SLC14A2: variants seen among roughly 807,000 people sequenced by gnomAD.
The protein encoded by SLC14A2 is solute carrier family 14 member 2, also known as urea transporter 2.
A neutral mutation model predicts 104.6 loss-of-function variants in SLC14A2; 91 were observed. The observed-to-expected ratio is 0.87, with a 90% CI of 0.73 to 1.04. The LOEUF (loss-of-function observed/expected upper bound fraction) is 1.04. Among genes scored for constraint, SLC14A2 ranks in the 50% least tolerant of loss-of-function variants. SLC14A2 has a pLI of 0.00. For missense variants in SLC14A2, 1,189 were observed against 1,156.0 expected (o/e 1.03, Z -0.41); for synonymous variants, 476 against 466.4 (o/e 1.02, Z -0.27).
chr18:45,202,447 T>A, the SLC14A2 span, among the ~76,000 whole-genome samples: 1 of 152,282 alleles, frequency 6.6e-6, no homozygotes, highest in East Asian at 1.9e-4. Context: ...GAGTCTGAGT[T>A]TTTACCCAAT....
intron 1 of SLC14A2, among the ~76,000 whole-genome samples, chr18:45,386,491 C>G (rs1274259333): frequency 2.6e-5 from 4 of 152,188 alleles, no homozygotes; most frequent in Non-Finnish European, 5.9e-5. Context: ...AGCATTCCCT[C>G]TGTACCTGGA....
intron 1 of SLC14A2, among the ~76,000 whole-genome samples, chr18:45,456,191 C>T (rs1052965631): frequency 1.3e-5 from 2 of 152,122 alleles, no homozygotes; most frequent in African/African-American, 4.8e-5. Flanking sequence ...CAAATGCCCC[C>T]TGGGGGCTAA....
chr18:45,508,789 G>A (rs2043322847), intron 2 of SLC14A2, among the ~76,000 whole-genome samples: 1 of 152,172 alleles, frequency 6.6e-6, no homozygotes, highest in Non-Finnish European at 1.5e-5. Flanking sequence ...TTATCAAAGG[G>A]CTACTAGGTT....
At chr18:45,611,239 GA>G (rs1203092586), upstream of SLC14A2, among the ~76,000 whole-genome samples, 1 of 152,192 alleles carries the variant, frequency 6.6e-6, no homozygotes, top group Non-Finnish European at 1.5e-5. Context: ...ACCTGAATAA[GA>G]AGCTCTTAGG....
chr18:45,433,502 C>G (rs1362352667), intron 1 of SLC14A2, among the ~76,000 whole-genome samples: 2 of 152,142 alleles, frequency 1.3e-5, no homozygotes, highest in African/African-American at 4.8e-5. Flanking sequence ...TTCTGAAACA[C>G]CAGGGGACTC....
intron 1 of SLC14A2, among the ~76,000 whole-genome samples, chr18:45,391,613 C>T (rs962126687): frequency 6.6e-6 from 1 of 152,154 alleles, no homozygotes; most frequent in African/African-American, 2.4e-5. Context: ...TTAATGATCA[C>T]CATTCTAACT....
In SLC14A2 at chr18:45,318,945, G is replaced by A. The variant is rs552132074; in HGVS notation, c.-125+105754G>A. The stretch of plus-strand genomic sequence containing the variant: ...CTGAGCTCATGGGGATGAGGACATT[G>A]TCAAAGGGACTAGAGAATCTGATTC... On this transcript the variant is annotated intron_variant, in intron 1 of 20. Transcript: ENST00000586448. 3.3e-5 allele frequency among the ~76,000 whole-genome samples: 5 copies of A among 152,254 alleles called. No individual in the cohort carries two copies. The South Asian group carries it at 1.0e-3, about 32-fold the overall frequency.
At chr18:45,231,231 CTTG>C (rs58544813) in intron 1 of SLC14A2, among the ~76,000 whole-genome samples, 11,467 of 151,890 alleles carry the variant, frequency 0.075, 467 homozygotes, top group East Asian at 0.13. Flanking sequence ...GAGGTGGAGT[CTTG>C]TTGTATCACC....
intron 1 of SLC14A2, among the ~76,000 whole-genome samples, chr18:45,313,323 G>A (rs767943060): frequency 1.3e-5 from 2 of 152,124 alleles, no homozygotes; most frequent in Admixed American, 1.3e-4. Context: ...AGGAATGGGA[G>A]CTAAGTCATC....
At chr18:45,211,717 T>C (rs2083963262), upstream of SLC14A2, among the ~76,000 whole-genome samples, 3 of 152,300 alleles carry the variant, frequency 2.0e-5, no homozygotes, top group African/African-American at 7.2e-5. Flanking sequence ...AAACACTCAA[T>C]GTACACTACA....
intron 4 of SLC14A2, among the ~76,000 whole-genome samples, chr18:45,627,370 C>A (rs2045276802): frequency 6.6e-6 from 1 of 152,164 alleles, no homozygotes; most frequent in Admixed American, 6.5e-5. Flanking sequence ...GCAAACACTG[C>A]CTCAGAGGGA....
chr18:45,474,362 G>T (rs184134881), intron 1 of SLC14A2, among the ~76,000 whole-genome samples: 4,462 of 152,254 alleles, frequency 0.029, 79 homozygotes, highest in Middle Eastern at 0.058. Context: ...TGTCTGCCAG[G>T]TTTTGGTATC....
intron 1 of SLC14A2, among the ~76,000 whole-genome samples, chr18:45,475,652 T>TATATATATATATTTAGG (rs2087355993): frequency 2.4e-5 from 1 of 41,042 alleles, no homozygotes; most frequent in Non-Finnish European, 4.5e-5. Flanking sequence ...GATATATATA[T>TATATATATATATTTAGG]ATATATATAT....
chr18:45,285,238 T>C (rs988501134), intron 1 of SLC14A2, among the ~76,000 whole-genome samples: 27 of 152,272 alleles, frequency 1.8e-4, no homozygotes, highest in African/African-American at 6.3e-4. Flanking sequence ...GTCTTGGAGA[T>C]TGTATGGTCT....
chr18:45,436,199 G>A (rs776131255), intron 1 of SLC14A2, among the ~76,000 whole-genome samples: 26 of 152,262 alleles, frequency 1.7e-4, no homozygotes, highest in African/African-American at 3.6e-4. Context: ...AAAAAATTAC[G>A]TTGTTTATGT....
upstream of SLC14A2, among the ~76,000 whole-genome samples, chr18:45,614,629 A>T (rs2045028980): frequency 6.6e-6 from 1 of 152,120 alleles, no homozygotes; most frequent in Admixed American, 6.6e-5. Flanking sequence ...ACATGGAGTC[A>T]AAGGAGATTA....
intron 1 of SLC14A2, among the ~76,000 whole-genome samples, chr18:45,449,344 C>G (rs1431506531): frequency 6.6e-6 from 1 of 152,162 alleles, no homozygotes; most frequent in Non-Finnish European, 1.5e-5. Context: ...TCTCACCTAT[C>G]CCACATTCCA....
chr18:45,286,808 G>T (rs183076822), intron 1 of SLC14A2, among the ~76,000 whole-genome samples: 1 of 152,044 alleles, frequency 6.6e-6, no homozygotes, highest in African/African-American at 2.4e-5. Context: ...TGGAAATGAC[G>T]GAAGGGCTAT....
At chr18:45,546,874 T>G (rs1220882351) in intron 2 of SLC14A2, among the ~76,000 whole-genome samples, 1 of 152,234 alleles carries the variant, frequency 6.6e-6, no homozygotes, top group East Asian at 1.9e-4. Context: ...TGCTTTTAGA[T>G]GTCCCTAAAG....
Sources: gnomAD v4.1 joint callset for allele counts (sites outside exome capture counted in the v4.1 genomes callset) on GRCh38, gnomAD v4.1.1 for gene constraint, MANE v1.5 for transcripts, NCBI Gene and HGNC (gene_info 2026-07-23, HGNC 2026-07-21) for gene names.